The following LRMDA variants were observed in gnomAD, a reference collection of about 807,000 sequenced individuals.
The protein encoded by LRMDA is leucine rich melanocyte differentiation associated, also known as leucine-rich melanocyte differentiation-associated protein.
LRMDA carries 18 observed loss-of-function variants against 29.8 expected under a neutral mutation model. That is an observed-to-expected ratio of 0.60 (90% CI 0.42 to 0.90). The LOEUF is 0.90. LRMDA is among the 40% of genes least tolerant of loss of function. The pLI is 0.00. For synonymous variants in LRMDA, 125 were observed against 109.4 expected (o/e 1.14, Z -0.89); for missense variants, 273 against 273.9 (o/e 1.00, Z 0.02).
intron 6 of LRMDA, among the ~76,000 whole-genome samples, chr10:76,357,218 G>C (rs959595041): frequency 1.3e-5 from 2 of 152,166 alleles, no homozygotes; most frequent in African/African-American, 4.8e-5. Flanking sequence ...TCTTGTTTTT[G>C]ATGAAACTGT....
At chr10:76,545,638 TTTATTA>T (rs143193002) in intron 6 of LRMDA, among the ~76,000 whole-genome samples, 1,837 of 143,750 alleles carry the variant, frequency 0.013, 29 homozygotes, top group African/African-American at 0.032. Flanking sequence ...GGAACAACCT[TTTATTA>T]TTATTATTAT....
intron 2 of LRMDA, among the ~76,000 whole-genome samples, chr10:75,944,095 C>T (rs1054623896): frequency 6.6e-6 from 1 of 152,064 alleles, no homozygotes; most frequent in Non-Finnish European, 1.5e-5. Context: ...TTTCTTTTAT[C>T]AGCTTTCTGG....
chr10:75,859,895 AT>A, intron 2 of LRMDA, among the ~76,000 whole-genome samples: 1 of 151,956 alleles, frequency 6.6e-6, no homozygotes, highest in South Asian at 2.1e-4. Flanking sequence ...GATCCATTGA[AT>A]TTTTTTCCCT....
At chr10:76,272,873 T>C (rs887002585) in intron 5 of LRMDA, among the ~76,000 whole-genome samples, 1 of 152,066 alleles carries the variant, frequency 6.6e-6, no homozygotes, top group Non-Finnish European at 1.5e-5. Context: ...TTTAAATCCA[T>C]CAACTCTTAC....
chr10:76,058,277 G>T (rs1898082), intron 4 of LRMDA, among the ~76,000 whole-genome samples: 3 of 152,034 alleles, frequency 2.0e-5, no homozygotes, highest in Admixed American at 6.5e-5. Flanking sequence ...TGGCAGTGAC[G>T]TAAAGGGTAC....
chr10:76,299,273 G>A (rs1035902444), intron 5 of LRMDA, among the ~76,000 whole-genome samples: 1 of 152,060 alleles, frequency 6.6e-6, no homozygotes, highest in Non-Finnish European at 1.5e-5. Context: ...GAGTCCTGCA[G>A]TTTGCATGGC....
Position 75,775,575 on chromosome 10 carries a change from A to G in LRMDA, c.132-260433A>G, listed in dbSNP as rs1430747390. ...ATGTGGGGACTTAACCACAGTCAGT[A>G]TGATCCTGGTCCAGTGGTCCCCCGA... On this transcript the variant is annotated intron_variant, in intron 2 of 6. Coordinates refer to ENST00000611255, the MANE Select transcript of LRMDA (RefSeq NM_001305581.2). Among the ~76,000 whole-genome samples, 4 of 152,358 alleles carry G rather than the reference A, an allele frequency of 2.6e-5. No homozygotes were observed. The East Asian group carries it at 7.7e-4, about 29-fold the overall frequency.
intron 5 of LRMDA, among the ~76,000 whole-genome samples, chr10:76,125,680 G>GA (rs1849868075): frequency 6.6e-6 from 1 of 152,180 alleles, no homozygotes; most frequent in Non-Finnish European, 1.5e-5. Flanking sequence ...GTGATGGCTG[G>GA]AAGGGGTAGT....
At chr10:76,067,203 C>T (rs1848798708) in intron 5 of LRMDA, among the ~76,000 whole-genome samples, 1 of 152,134 alleles carries the variant, frequency 6.6e-6, no homozygotes, top group Admixed American at 6.5e-5. Flanking sequence ...ACCTCAAAGC[C>T]CCTGTCCCTT....
At chr10:75,461,599 C>A (rs188746874) in intron 2 of LRMDA, among the ~76,000 whole-genome samples, 1 of 152,266 alleles carries the variant, frequency 6.6e-6, no homozygotes, top group Admixed American at 6.5e-5. Flanking sequence ...GGAGTTTTCT[C>A]CTTCTCTATA....
intron 2 of LRMDA, among the ~76,000 whole-genome samples, chr10:75,602,495 C>G (rs932286022): frequency 6.6e-5 from 10 of 152,198 alleles, no homozygotes; most frequent in Admixed American, 5.2e-4. Context: ...GTTGGATTCT[C>G]TCCCCAAGGT....
At chr10:76,325,075 A>G (rs1404703654) in intron 6 of LRMDA, among the ~76,000 whole-genome samples, 1 of 152,206 alleles carries the variant, frequency 6.6e-6, no homozygotes, top group Non-Finnish European at 1.5e-5. Context: ...ATGAAATATC[A>G]TTTGAAAATG....
At chr10:76,396,757 T>C (rs1203995999) in intron 6 of LRMDA, among the ~76,000 whole-genome samples, 1 of 152,226 alleles carries the variant, frequency 6.6e-6, no homozygotes, top group Non-Finnish European at 1.5e-5. Flanking sequence ...TTGTCTCCAA[T>C]GGAGTTGCCA....
intron 2 of LRMDA, among the ~76,000 whole-genome samples, chr10:75,807,034 C>A (rs1843866759): frequency 6.6e-6 from 1 of 152,096 alleles, no homozygotes; most frequent in Admixed American, 6.6e-5. Flanking sequence ...TAATTTTCCC[C>A]AGACTGCCTC....
chr10:76,218,392 G>C (rs964135462), intron 5 of LRMDA, among the ~76,000 whole-genome samples: 1 of 152,208 alleles, frequency 6.6e-6, no homozygotes, highest in Admixed American at 6.5e-5. Flanking sequence ...AATAAAAACA[G>C]CTTGTGGTGT....
At chr10:76,208,151 G>A (rs1224665820) in intron 5 of LRMDA, among the ~76,000 whole-genome samples, 1 of 152,106 alleles carries the variant, frequency 6.6e-6, no homozygotes, top group African/African-American at 2.4e-5. Flanking sequence ...AACGAACTAT[G>A]GGTACAAGAC....
At chr10:76,432,902 C>A (rs1413905428) in intron 6 of LRMDA, among the ~76,000 whole-genome samples, 3 of 152,178 alleles carry the variant, frequency 2.0e-5, no homozygotes, top group Non-Finnish European at 4.4e-5. Flanking sequence ...ATAGCACTAG[C>A]ATGTGGTGGC....
chr10:75,921,703 C>T (rs1363226616), intron 2 of LRMDA, among the ~76,000 whole-genome samples: 1 of 152,208 alleles, frequency 6.6e-6, no homozygotes, highest in Non-Finnish European at 1.5e-5. Flanking sequence ...TCCAAAGTGA[C>T]TTCCTGGAGT....
At chr10:75,949,778 T>C (rs763976014) in intron 2 of LRMDA, among the ~76,000 whole-genome samples, 1 of 152,168 alleles carries the variant, frequency 6.6e-6, no homozygotes, top group Non-Finnish European at 1.5e-5. Context: ...AAGCCAGAGA[T>C]GCAACCTTCT....
Sources: allele counts gnomAD v4.1 joint callset (sites outside exome capture counted in the v4.1 genomes callset), GRCh38; gene constraint gnomAD v4.1.1; transcripts MANE v1.5; gene names NCBI Gene and HGNC (gene_info 2026-07-23, HGNC 2026-07-21).